ELOVL6: variants seen among roughly 807,000 people sequenced by gnomAD.
ELOVL6 encodes very long chain fatty acid elongase 6.
In ELOVL6, 8 loss-of-function variants were observed where a neutral mutation model predicts 31.7. The ratio of observed to expected loss-of-function variants is 0.25; its 90% CI spans 0.15 to 0.45. The LOEUF (loss-of-function observed/expected upper bound fraction) is 0.45. Ranked by LOEUF, ELOVL6 falls within the 20% of genes least tolerant of loss-of-function variation. The probability of loss-of-function intolerance (pLI) is 1.00; values close to 1 mark genes in which losing one functional copy is unlikely to be tolerated. For missense variants in ELOVL6, 126 were observed against 326.4 expected (o/e 0.39, Z 4.73); for synonymous variants, 101 against 117.7 (o/e 0.86, Z 0.92).
chr4:110,174,779 A>G (rs1158640752), intron 1 of ELOVL6, among the ~76,000 whole-genome samples: 2 of 152,114 alleles, frequency 1.3e-5, no homozygotes, highest in Non-Finnish European at 2.9e-5. Context: ...CTTTACCTAC[A>G]TTTTTACTTT....
At chr4:110,128,149 G>T (rs536729245) in intron 1 of ELOVL6, among the ~76,000 whole-genome samples, 1 of 152,116 alleles carries the variant, frequency 6.6e-6, no homozygotes, top group Non-Finnish European at 1.5e-5. Flanking sequence ...CAGACAGGAC[G>T]AGTATAAGCC....
intron 1 of ELOVL6, among the ~76,000 whole-genome samples, chr4:110,196,543 C>T (rs1759794649): frequency 6.6e-6 from 1 of 152,212 alleles, no homozygotes; most frequent in Non-Finnish European, 1.5e-5. Flanking sequence ...GGTCTATCTG[C>T]GGTCTCGACC....
At chr4:110,158,657 A>ATATTTTTTTTTTTTTT in intron 1 of ELOVL6, among the ~76,000 whole-genome samples, 1 of 74,160 alleles carries the variant, frequency 1.3e-5, no homozygotes, top group Non-Finnish European at 2.3e-5. Context: ...ATATATATAT[A>ATATTTTTTTTTTTTTT]TTTTTTTTTT....
chr4:110,090,934 G>T (rs143493536), intron 2 of ELOVL6, among the ~76,000 whole-genome samples: 62 of 152,234 alleles, frequency 4.1e-4, no homozygotes, highest in Non-Finnish European at 7.2e-4. Flanking sequence ...TAGAAATTCA[G>T]ATTCAATTTT....
chr4:110,164,466 T>C (rs1758713214), intron 1 of ELOVL6, among the ~76,000 whole-genome samples: 4 of 152,222 alleles, frequency 2.6e-5, no homozygotes, highest in Admixed American at 6.5e-5. Flanking sequence ...TGAACATTTG[T>C]CACAAGAAAG....
At chr4:110,058,401 G>A (rs72676981) in intron 3 of ELOVL6, among the ~76,000 whole-genome samples, 6,634 of 152,170 alleles carry the variant, frequency 0.044, 271 homozygotes, top group East Asian at 0.16. Flanking sequence ...ATTTTCTTCT[G>A]TTGTTCTTCC....
Position 110,123,027 on chromosome 4 carries a change from T to C in ELOVL6, c.90-17399A>G, listed in dbSNP as rs929571092. On this transcript the variant is annotated intron_variant, in intron 1 of 3. Coordinates refer to ENST00000302274, the MANE Select transcript of ELOVL6 (RefSeq NM_024090.3). ...ACACACAAGCTAACATATCTGTCTT[T>C]CCTTTGAAATCCTGAAGGGTACAGA... 5.9e-5 allele frequency among the ~76,000 whole-genome samples: 9 copies of C among 152,364 alleles called. 1 individual carries two copies. Among genetic ancestry groups the C allele is most frequent in the Admixed American group, 3.3e-4 (5 of 15,304 alleles).
chr4:110,177,131 T>C (rs1012240320), intron 1 of ELOVL6, among the ~76,000 whole-genome samples: 11 of 152,224 alleles, frequency 7.2e-5, no homozygotes, highest in Admixed American at 7.2e-4. Flanking sequence ...GCTGATGGCA[T>C]GAAATTATAG....
intron 1 of ELOVL6, among the ~76,000 whole-genome samples, chr4:110,121,021 G>C (rs1057110139): frequency 6.6e-6 from 1 of 151,784 alleles, no homozygotes; most frequent in African/African-American, 2.4e-5. Flanking sequence ...GGCTGGTCTC[G>C]AACTCCTGAC....
chr4:110,169,807 CT>C (rs759703117), intron 1 of ELOVL6, among the ~76,000 whole-genome samples: 2,282 of 136,524 alleles, frequency 0.017, 39 homozygotes, highest in African/African-American at 0.055. Context: ...TTCTTTCTTT[CT>C]TTTTTTTTTT....
In ELOVL6 at chr4:110,198,500, T is replaced by C. The variant is rs573384377; in HGVS notation, c.-165A>G. Reference sequence around the variant, plus strand: ...TCGTCTCTTCTCCCAGCCTCTCAGCTACATCCAGGGCTGAGCATTGCCTGC... The same window carrying C: ...TCGTCTCTTCTCCCAGCCTCTCAGCCACATCCAGGGCTGAGCATTGCCTGC... On this transcript the variant is annotated 5_prime_UTR_variant, in exon 1 of 4. An upstream open reading frame in the 5' UTR loses its in-frame stop. Coordinates refer to ENST00000302274, the MANE Select transcript of ELOVL6 (RefSeq NM_024090.3). The C allele has an allele frequency of 2.3e-4, 132 of 582,554 alleles. No individual in the cohort carries two copies. In the African/African-American group the frequency reaches 2.3e-3, roughly 10 times the overall value. 36.1% of individuals were successfully genotyped at this position (582,554 alleles called of 1,614,324 possible).
intron 2 of ELOVL6, among the ~76,000 whole-genome samples, chr4:110,096,285 C>A (rs56145754): frequency 0.25 from 37,555 of 151,752 alleles, 5,279 homozygotes; most frequent in East Asian, 0.48. Flanking sequence ...TTGCATGGAC[C>A]CCAGTTAAAA....
intron 1 of ELOVL6, among the ~76,000 whole-genome samples, chr4:110,177,991 T>C (rs1759161724): frequency 6.6e-6 from 1 of 152,182 alleles, no homozygotes; most frequent in African/African-American, 2.4e-5. Context: ...TCAGTATATT[T>C]TGTGTTTCTC....
rs564581779 is a variant in ELOVL6, at chr4:110,057,572, C to T, written c.373+2031G>A. 1.6e-4 allele frequency among the ~76,000 whole-genome samples: 24 copies of T among 152,018 alleles called. No individual in the cohort carries two copies. The South Asian group carries it at 2.9e-3, about 18-fold the overall frequency. ...TATTTTAAAGAAAAAAAGCCACAGC[C>T]GGGCACAGTGGCTCATGCCTATAAT... On this transcript the variant is annotated intron_variant, in intron 3 of 3. Transcript: ENST00000302274.
rs1578466212 is a variant in ELOVL6 at position 110,084,135 on chromosome 4, A to ATGATATATGATATATATAACATATATG, written c.221+21361_221+21362insCATATATGTTATATATATCATATATCA. On this transcript the variant is annotated intron_variant, in intron 2 of 3. Transcript: ENST00000302274. ...TGATATATATAACATATATGTGATA[A>ATGATATATGATATATATAACATATATG]TGATATATATGATATATATAACATA... Among the ~76,000 whole-genome samples, 9 of 35,300 alleles carry ATGATATATGATATATATAACATATATG rather than the reference A, an allele frequency of 2.5e-4. 1 individual carries two copies. The highest frequency in any genetic ancestry group is 2.8e-3 in the East Asian group (1 of 358). 23.2% of individuals were successfully genotyped at this position (35,300 alleles called of 152,430 possible).
At chr4:110,111,785 G>A (rs1757042642) in intron 1 of ELOVL6, among the ~76,000 whole-genome samples, 1 of 152,176 alleles carries the variant, frequency 6.6e-6, no homozygotes, top group Non-Finnish European at 1.5e-5. Flanking sequence ...TAAACCGGGA[G>A]TCTGTCATAC....
At chr4:110,198,125 A>G (rs1251610069) in intron 1 of ELOVL6, 122 bp downstream of exon 1, 1 of 528,722 alleles carries the variant, frequency 1.9e-6, no homozygotes, top group Admixed American at 2.1e-5. Context: ...GAACTCAGCG[A>G]TCAGCTGGCT....
intron 1 of ELOVL6, among the ~76,000 whole-genome samples, chr4:110,129,552 G>A (rs1302631723): frequency 6.6e-6 from 1 of 152,202 alleles, no homozygotes. Flanking sequence ...CAATGATTAT[G>A]AAAACAGGAG....
chr4:110,069,114 A>G (rs1025287289), intron 2 of ELOVL6, among the ~76,000 whole-genome samples: 1 of 147,302 alleles, frequency 6.8e-6, no homozygotes, highest in Non-Finnish European at 1.5e-5. Context: ...TGGGTGACAG[A>G]GCAAGACTCT....
Sources: gnomAD v4.1 joint callset for allele counts (sites outside exome capture counted in the v4.1 genomes callset) on GRCh38, gnomAD v4.1.1 for gene constraint, MANE v1.5 for transcripts, NCBI Gene and HGNC (gene_info 2026-07-23, HGNC 2026-07-21) for gene names.